GRM5: variants seen among roughly 807,000 people sequenced by gnomAD.
GRM5 encodes glutamate metabotropic receptor 5, also known as metabotropic glutamate receptor 5.
Under a neutral mutation model 83.1 loss-of-function variants are expected in GRM5, and 19 were observed. The observed-to-expected ratio is 0.23, with a 90% CI of 0.16 to 0.34. The LOEUF (loss-of-function observed/expected upper bound fraction) is 0.34. Ranked by LOEUF, GRM5 falls within the 10% of genes least tolerant of loss-of-function variation. GRM5 has a pLI of 1.00. For synonymous variants in GRM5, 675 were observed against 633.6 expected, an observed-to-expected ratio of 1.07 and a Z score of -0.98; for missense variants, 1,160 against 1,588.3, an observed-to-expected ratio of 0.73 and a Z score of 4.58.
intron 3 of GRM5, among the ~76,000 whole-genome samples, chr11:88,663,699 C>T (rs1939963398): frequency 6.6e-6 from 1 of 152,120 alleles, no homozygotes; most frequent in South Asian, 2.1e-4. Flanking sequence ...GGGACTAGTG[C>T]TTAGAGTTTC....
intron 2 of GRM5, among the ~76,000 whole-genome samples, chr11:89,043,674 T>C (rs1941582038): frequency 6.6e-6 from 1 of 152,028 alleles, no homozygotes; most frequent in Non-Finnish European, 1.5e-5. Flanking sequence ...TATACTGGAC[T>C]CCATCCTGAA....
chr11:88,588,767 G>T (rs1321661930), intron 7 of GRM5, among the ~76,000 whole-genome samples: 1 of 151,948 alleles, frequency 6.6e-6, no homozygotes, highest in African/African-American at 2.4e-5. Context: ...TGTCAGTGAG[G>T]CACACAAATA....
chr11:88,931,793 A>G (rs1937713379), intron 2 of GRM5, among the ~76,000 whole-genome samples: 1 of 152,120 alleles, frequency 6.6e-6, no homozygotes, highest in Non-Finnish European at 1.5e-5. Context: ...AAGTGGGCTG[A>G]AATATTTTTG....
At chr11:88,777,153 C>G (rs1942873373) in intron 3 of GRM5, among the ~76,000 whole-genome samples, 1 of 151,934 alleles carries the variant, frequency 6.6e-6, no homozygotes, top group Non-Finnish European at 1.5e-5. Flanking sequence ...TACTCCTTCT[C>G]TAACCTTGTC....
chr11:88,773,489 C>T (rs1339036711), intron 3 of GRM5, among the ~76,000 whole-genome samples: 1 of 152,116 alleles, frequency 6.6e-6, no homozygotes, highest in East Asian at 1.9e-4. Context: ...GCTTTTGTTG[C>T]CATTGCTTTT....
chr11:89,039,719 T>G (rs1311433901), intron 2 of GRM5, among the ~76,000 whole-genome samples: 1 of 152,170 alleles, frequency 6.6e-6, no homozygotes, highest in East Asian at 1.9e-4. Context: ...GGCCCTGCTG[T>G]GTCTTGTCTT....
chr11:88,655,671 GT>G (rs34122425), intron 3 of GRM5, among the ~76,000 whole-genome samples: 20,583 of 134,860 alleles, frequency 0.15, 1,526 homozygotes, highest in Middle Eastern at 0.2. Flanking sequence ...TACTTTCTCT[GT>G]TTTTTTTTTT....
chr11:88,681,531 C>T (rs534440463), intron 3 of GRM5, among the ~76,000 whole-genome samples: 2 of 139,768 alleles, frequency 1.4e-5, no homozygotes, highest in South Asian at 2.2e-4. Context: ...CATATTTCCC[C>T]TACTGTTTAT....
intron 4 of GRM5, among the ~76,000 whole-genome samples, chr11:88,635,699 T>C (rs190006176): frequency 2.0e-5 from 3 of 152,222 alleles, no homozygotes; most frequent in African/African-American, 7.2e-5. Flanking sequence ...TTAAATTCCT[T>C]GTCTATTTTT....
At chr11:88,757,441 A>AC (rs533956891) in intron 3 of GRM5, among the ~76,000 whole-genome samples, 1 of 151,944 alleles carries the variant, frequency 6.6e-6, no homozygotes, top group Admixed American at 6.6e-5. Context: ...TGCCAGCCTC[A>AC]CCCCCACCAA....
chr11:88,928,907 T>TATATATATATACACACAC lies in GRM5; in HGVS notation c.662-78753_662-78752insGTGTGTGTATATATATAT, dbSNP rs369951090. On this transcript the variant is annotated intron_variant, in intron 2 of 9. Coordinates refer to ENST00000305447, the MANE Select transcript of GRM5 (RefSeq NM_001143831.3). ...GTTTGTACCTATGTGTATGTGTATA[T>TATATATATATACACACAC]ACACACACACACACACACACACACA... Among the ~76,000 whole-genome samples the TATATATATATACACACAC allele has an allele frequency of 2.1e-3, 298 of 138,738 alleles. 3 individuals are homozygous for TATATATATATACACACAC. Among genetic ancestry groups the TATATATATATACACACAC allele is most frequent in the East Asian group, 4.6e-3 (22 of 4,780 alleles). 91.0% of individuals were successfully genotyped at this position (138,738 alleles called of 152,430 possible).
intron 3 of GRM5, among the ~76,000 whole-genome samples, chr11:88,773,637 A>G (rs1469513837): frequency 6.6e-6 from 1 of 152,162 alleles, no homozygotes; most frequent in East Asian, 1.9e-4. Flanking sequence ...TATAAGGTGT[A>G]AGGAAGGGAT....
intron 1 of GRM5, among the ~76,000 whole-genome samples, chr11:89,064,435 A>C (rs1942056993): frequency 6.6e-6 from 1 of 152,188 alleles, no homozygotes. Context: ...TTCCTCACTC[A>C]TTTCCACAGA....
At chr11:89,040,834 A>G (rs1941514292) in intron 2 of GRM5, among the ~76,000 whole-genome samples, 1 of 152,174 alleles carries the variant, frequency 6.6e-6, no homozygotes, top group African/African-American at 2.4e-5. Flanking sequence ...GAAGGAAGAA[A>G]AAAAATTCTC....
At chr11:88,872,747 C>A (rs1296054619) in intron 2 of GRM5, among the ~76,000 whole-genome samples, 3 of 150,940 alleles carry the variant, frequency 2.0e-5, no homozygotes, top group African/African-American at 7.3e-5. Flanking sequence ...GGAATCAAAG[C>A]ATATTACTAG....
intron 2 of GRM5, among the ~76,000 whole-genome samples, chr11:88,980,968 C>T (rs1165893602): frequency 1.3e-5 from 2 of 151,772 alleles, no homozygotes; most frequent in East Asian, 1.9e-4. Flanking sequence ...ATTATCTGTA[C>T]TATTTCTACA....
chr11:88,573,027 G>A (rs1034441774), intron 7 of GRM5, among the ~76,000 whole-genome samples: 3 of 152,100 alleles, frequency 2.0e-5, no homozygotes, highest in African/African-American at 7.2e-5. Context: ...GATGAAACAT[G>A]GATTAGAAAA....
chr11:89,049,980 T>A (rs917191368), intron 1 of GRM5, among the ~76,000 whole-genome samples: 1 of 152,188 alleles, frequency 6.6e-6, no homozygotes, highest in African/African-American at 2.4e-5. Context: ...TAAATCAGAA[T>A]GTTAGCGAGT....
chr11:88,728,764 T>C (rs11021098), intron 3 of GRM5, among the ~76,000 whole-genome samples: 88,063 of 151,988 alleles, frequency 0.58, 27,738 homozygotes, highest in South Asian at 0.8. Flanking sequence ...ACAGAACCAG[T>C]GACAAAAACC....
Sources: allele counts gnomAD v4.1 joint callset (sites outside exome capture counted in the v4.1 genomes callset), GRCh38; gene constraint gnomAD v4.1.1; transcripts MANE v1.5; gene names NCBI Gene and HGNC (gene_info 2026-07-23, HGNC 2026-07-21).